Variants in CADM2 observed in about 807,000 individuals in gnomAD.
CADM2 encodes cell adhesion molecule 2.
Under a neutral mutation model 49.8 loss-of-function variants are expected in CADM2, and 12 were observed. The observed-to-expected ratio is 0.24, with a 90% confidence interval of 0.15 to 0.39. The LOEUF is 0.39. CADM2 is among the 10% of genes least tolerant of loss of function. The probability of loss-of-function intolerance (pLI) is 1.00; values close to 1 mark genes in which losing one functional copy is unlikely to be tolerated. For missense variants in CADM2, 378 were observed against 492.3 expected (o/e 0.77, Z 2.20); for synonymous variants, 214 against 175.4 (o/e 1.22, Z -1.74).
At chr3:85,708,591 G>T (rs1363038060) in intron 1 of CADM2, among the ~76,000 whole-genome samples, 1 of 152,122 alleles carries the variant, frequency 6.6e-6, no homozygotes, top group Non-Finnish European at 1.5e-5. Flanking sequence ...ATCACTGTAA[G>T]TCTTTAACAT....
At chr3:85,237,666 A>G (rs1375367765) in intron 1 of CADM2, among the ~76,000 whole-genome samples, 2 of 151,716 alleles carry the variant, frequency 1.3e-5, no homozygotes. Context: ...TTAATTCTTC[A>G]TATTTTCTTT....
At chr3:85,926,941 A>G (rs1012801618) in intron 6 of CADM2, among the ~76,000 whole-genome samples, 2 of 152,172 alleles carry the variant, frequency 1.3e-5, no homozygotes, top group Non-Finnish European at 2.9e-5. Flanking sequence ...GAGACTAGAA[A>G]ACACAAACTC....
At chr3:85,193,367 T>TAA (rs200272640) in intron 1 of CADM2, among the ~76,000 whole-genome samples, 1 of 101,106 alleles carries the variant, frequency 9.9e-6, no homozygotes, top group African/African-American at 3.4e-5. Flanking sequence ...CTAAAAAATC[T>TAA]TAAAAAATTT....
At chr3:85,862,814 T>C (rs571869216) in intron 3 of CADM2, among the ~76,000 whole-genome samples, 11 of 152,236 alleles carry the variant, frequency 7.2e-5, no homozygotes, top group Non-Finnish European at 1.0e-4. Context: ...GGTGGTGAAT[T>C]TGAATGTTGA....
At chr3:85,838,663 A>T (rs1356690558) in intron 3 of CADM2, among the ~76,000 whole-genome samples, 1 of 151,882 alleles carries the variant, frequency 6.6e-6, no homozygotes, top group East Asian at 1.9e-4. Flanking sequence ...TGAGTTTGAT[A>T]TGCAGCCAAG....
chr3:85,479,941 CCACG>C, intron 1 of CADM2, among the ~76,000 whole-genome samples: 1 of 151,762 alleles, frequency 6.6e-6, no homozygotes, highest in African/African-American at 2.4e-5. Context: ...ATTTGGTTTA[CCACG>C]TAACTTTCTG....
chr3:85,874,788 C>T (rs914104725), intron 3 of CADM2, among the ~76,000 whole-genome samples: 1 of 152,046 alleles, frequency 6.6e-6, no homozygotes, highest in South Asian at 2.1e-4. Flanking sequence ...ACAAAATATT[C>T]ACAAACTTTT....
intron 1 of CADM2, among the ~76,000 whole-genome samples, chr3:85,527,982 TGC>T (rs1233193599): frequency 1.3e-5 from 2 of 152,232 alleles, no homozygotes; most frequent in African/African-American, 4.8e-5. Flanking sequence ...AACAATTCAT[TGC>T]TTATATATGA....
At chr3:85,045,461 A>G (rs1185761769) in intron 1 of CADM2, among the ~76,000 whole-genome samples, 2 of 152,116 alleles carry the variant, frequency 1.3e-5, no homozygotes, top group Admixed American at 1.3e-4. Flanking sequence ...AATGTGGGCT[A>G]TGTATAAGAC....
chr3:85,908,819 G>C (rs1200664275), intron 5 of CADM2, among the ~76,000 whole-genome samples: 2 of 151,792 alleles, frequency 1.3e-5, no homozygotes, highest in African/African-American at 4.8e-5. Context: ...CCACTTCCCG[G>C]GTTCAAGCGA....
intron 1 of CADM2, among the ~76,000 whole-genome samples, chr3:85,601,173 T>TATATATAC (rs1469920736): frequency 5.0e-5 from 5 of 99,452 alleles, no homozygotes; most frequent in African/African-American, 1.5e-4. Flanking sequence ...TATATATATA[T>TATATATAC]ACACACACAC....
At chr3:85,886,101 C>G (rs1324737043) in intron 4 of CADM2, 89 bp from the exon 5 acceptor site, 9 of 1,543,612 alleles carry the variant, frequency 5.8e-6, no homozygotes, top group African/African-American at 1.4e-5. Context: ...ATTAACCATC[C>G]AGTTCAGTTT....
At chr3:85,680,009 TA>T (rs1016511149) in intron 1 of CADM2, among the ~76,000 whole-genome samples, 4 of 152,064 alleles carry the variant, frequency 2.6e-5, no homozygotes, top group Non-Finnish European at 5.9e-5. Flanking sequence ...CATAAAACAT[TA>T]AAAAATATTA....
At chr3:85,556,345 T>A (rs1303007262) in intron 1 of CADM2, among the ~76,000 whole-genome samples, 3 of 152,102 alleles carry the variant, frequency 2.0e-5, no homozygotes. Flanking sequence ...GAGGTAGTCT[T>A]GCTGTCTCAA....
chr3:85,740,646 C>G (rs1184727443), intron 2 of CADM2, among the ~76,000 whole-genome samples: 5 of 152,122 alleles, frequency 3.3e-5, no homozygotes, highest in Non-Finnish European at 7.4e-5. Flanking sequence ...ACCACCAGAT[C>G]CTGCAGGTTT....
intron 1 of CADM2, among the ~76,000 whole-genome samples, chr3:85,329,248 T>C (rs1291260254): frequency 6.6e-6 from 1 of 151,962 alleles, no homozygotes; most frequent in Non-Finnish European, 1.5e-5. Context: ...AAAAAACAAA[T>C]AACACAGGAC....
At chr3:85,817,083 G>T (rs890427781) in intron 3 of CADM2, among the ~76,000 whole-genome samples, 1 of 152,318 alleles carries the variant, frequency 6.6e-6, no homozygotes, top group African/African-American at 2.4e-5. Context: ...GCTCTTGTGA[G>T]CCACCCTTGG....
intron 1 of CADM2, among the ~76,000 whole-genome samples, chr3:85,700,049 G>A (rs566792084): frequency 4.6e-5 from 7 of 152,158 alleles, no homozygotes; most frequent in African/African-American, 1.7e-4. Flanking sequence ...TGTTTACAGT[G>A]GCACTATTCA....
At chr3:86,014,962 G>C (rs73136103) in intron 8 of CADM2, 16,003 of 1,398,440 alleles carry the variant, frequency 0.011, 127 homozygotes, top group Middle Eastern at 0.043. Flanking sequence ...GCATATTTAA[G>C]GAACACTTTG....
Sources: gnomAD v4.1 joint callset for allele counts (sites outside exome capture counted in the v4.1 genomes callset) on GRCh38, gnomAD v4.1.1 for gene constraint, MANE v1.5 for transcripts, NCBI Gene and HGNC (gene_info 2026-07-23, HGNC 2026-07-21) for gene names.